TMEM232: variants seen among roughly 807,000 people sequenced by gnomAD.
The protein encoded by TMEM232 is transmembrane protein 232.
TMEM232 carries 80 observed loss-of-function variants against 78.8 expected under a neutral mutation model. The observed-to-expected ratio is 1.01, with a 90% CI of 0.85 to 1.22. TMEM232 has a LOEUF of 1.22. Among genes scored for constraint, TMEM232 ranks in the 50% most tolerant of loss-of-function variants. The probability of loss-of-function intolerance (pLI) is 0.00; values close to 1 mark genes in which losing one functional copy is unlikely to be tolerated. For synonymous variants in TMEM232, 297 were observed against 254.3 expected, an observed-to-expected ratio of 1.17 and a Z score of -1.60; for missense variants, 881 against 742.2, an observed-to-expected ratio of 1.19 and a Z score of -2.17.
intron 10 of TMEM232, among the ~76,000 whole-genome samples, chr5:110,604,210 T>C (rs1781273481): frequency 1.3e-5 from 2 of 152,188 alleles, no homozygotes; most frequent in African/African-American, 4.8e-5. Flanking sequence ...ATTGCAATTA[T>C]TTTTCACAAT....
chr5:110,708,028 A>G (rs900948047), intron 1 of TMEM232, among the ~76,000 whole-genome samples: 7 of 152,186 alleles, frequency 4.6e-5, no homozygotes, highest in African/African-American at 1.7e-4. Flanking sequence ...GTATTACGCC[A>G]TGAGCCTTGG....
chr5:110,473,710 C>T (rs1160526597), intron 12 of TMEM232, among the ~76,000 whole-genome samples: 1 of 150,122 alleles, frequency 6.7e-6, no homozygotes, highest in East Asian at 1.9e-4. Flanking sequence ...GCACTATTCA[C>T]CATAGCTGAG....
chr5:110,567,983 C>T (rs915497358), intron 11 of TMEM232, among the ~76,000 whole-genome samples: 1 of 152,134 alleles, frequency 6.6e-6, no homozygotes, highest in African/African-American at 2.4e-5. Context: ...CTATGCAGCT[C>T]CTTCACAGCT....
intron 2 of TMEM232, among the ~76,000 whole-genome samples, chr5:110,402,522 C>T (rs915050508): frequency 1.3e-5 from 2 of 151,898 alleles, no homozygotes; most frequent in Non-Finnish European, 1.5e-5. Context: ...ACAAACAGAC[C>T]CTGGGTAATT....
chr5:110,597,902 A>G, intron 10 of TMEM232, among the ~76,000 whole-genome samples: 1 of 152,226 alleles, frequency 6.6e-6, no homozygotes, highest in Non-Finnish European at 1.5e-5. Flanking sequence ...ACCTAAAACC[A>G]TAAAAACCCT....
At chr5:110,418,010 T>A (rs1756320089), downstream of TMEM232, 1 of 152,182 alleles carries the variant, frequency 6.6e-6, no homozygotes, top group Non-Finnish European at 1.5e-5. Context: ...AATGTCTCCC[T>A]GTCAAGGATC....
chr5:110,640,822 C>A lies in TMEM232; in HGVS notation c.343+69G>T, dbSNP rs865898452. 2.6e-5 allele frequency: 29 copies of A among 1,117,618 alleles called. 2 individuals are homozygous for A. In the Middle Eastern group the frequency reaches 6.1e-3, roughly 237 times the overall value. 69.2% of individuals were successfully genotyped at this position (1,117,618 alleles called of 1,614,324 possible). On this transcript the variant is annotated intron_variant, in intron 4 of 13. Coordinates refer to ENST00000455884, the MANE Select transcript of TMEM232 (RefSeq NM_001039763.4). ...TGCACAATTTTTAAAAATTAAAGTT[C>A]TCAAATTATGCCTTCACTGATGATA... is the stretch of plus-strand genomic sequence containing the variant.
In TMEM232 at chr5:110,528,836, C is replaced by A; in HGVS notation, c.1456-1G>T. 2.1e-6 allele frequency: 3 copies of A among 1,420,820 alleles called. No homozygotes were observed. The highest frequency in any genetic ancestry group is 2.9e-5 in the African/African-American group (2 of 69,518). The allele number at this position is 1,420,820 out of a possible 1,614,324, so 88.0% of individuals were successfully genotyped here. ...GATCAGTTGGGTCATTTAACTCAGC[C>A]TGTTGAAAGAAAAGAGAAAGGAATC... On this transcript the variant is annotated splice_acceptor_variant, in intron 11 of 13. Transcript: ENST00000455884. LOFTEE classifies it high-confidence loss of function.
chr5:110,556,341 C>CTCCCT (rs528923293), intron 11 of TMEM232, among the ~76,000 whole-genome samples: 37 of 144,708 alleles, frequency 2.6e-4, no homozygotes, highest in Non-Finnish European at 2.7e-4. Flanking sequence ...CCTTTCCTTC[C>CTCCCT]TCCCTTCCCT....
At chr5:110,636,804 C>T (rs536626838) in intron 5 of TMEM232, among the ~76,000 whole-genome samples, 1 of 152,086 alleles carries the variant, frequency 6.6e-6, no homozygotes, top group African/African-American at 2.4e-5. Context: ...AAGCACTTAT[C>T]ATTGTGTAAG....
intron 1 of TMEM232, among the ~76,000 whole-genome samples, chr5:110,707,612 A>G (rs1796058754): frequency 6.6e-6 from 1 of 152,216 alleles, no homozygotes; most frequent in African/African-American, 2.4e-5. Context: ...CCAGGCAACA[A>G]CTAGTGTTGG....
At chr5:110,443,745 A>C (rs1313473996) in intron 12 of TMEM232, among the ~76,000 whole-genome samples, 1 of 152,140 alleles carries the variant, frequency 6.6e-6, no homozygotes, top group African/African-American at 2.4e-5. Flanking sequence ...ACGGCGTACT[A>C]CCTGGATATC....
chr5:110,484,161 G>T (rs1315855628), intron 12 of TMEM232, among the ~76,000 whole-genome samples: 1 of 152,022 alleles, frequency 6.6e-6, no homozygotes, highest in African/African-American at 2.4e-5. Flanking sequence ...GAGATTACTG[G>T]GGGGAAGGGG....
chr5:110,393,902 G>A (rs185446559), intron 3 of TMEM232, among the ~76,000 whole-genome samples: 70 of 150,134 alleles, frequency 4.7e-4, no homozygotes, highest in Admixed American at 1.1e-3. Context: ...AGGTTGCAGC[G>A]GGCCACAATC....
At chr5:110,683,552 A>C (rs1437420607) in intron 1 of TMEM232, among the ~76,000 whole-genome samples, 1 of 151,942 alleles carries the variant, frequency 6.6e-6, no homozygotes, top group East Asian at 1.9e-4. Context: ...TTGTTAATAA[A>C]ATCATTTTAA....
At chr5:110,715,708 A>G (rs995455169) in intron 1 of TMEM232, among the ~76,000 whole-genome samples, 1 of 152,046 alleles carries the variant, frequency 6.6e-6, no homozygotes, top group Non-Finnish European at 1.5e-5. Flanking sequence ...AACCTAAAAG[A>G]CTGGTTCAGG....
chr5:110,489,480 T>C (rs1466138936), intron 12 of TMEM232, among the ~76,000 whole-genome samples: 3 of 152,018 alleles, frequency 2.0e-5, no homozygotes, highest in East Asian at 1.9e-4. Flanking sequence ...AGAACACTTA[T>C]CAAAATAGGA....
chr5:110,647,889 T>C (rs570711497), intron 2 of TMEM232, among the ~76,000 whole-genome samples: 1 of 152,130 alleles, frequency 6.6e-6, no homozygotes, highest in African/African-American at 2.4e-5. Context: ...TAGTTAAATA[T>C]TTTGGTTACC....
At chr5:110,671,511 A>G (rs1791345859) in intron 1 of TMEM232, among the ~76,000 whole-genome samples, 1 of 152,240 alleles carries the variant, frequency 6.6e-6, no homozygotes, top group African/African-American at 2.4e-5. Flanking sequence ...ATGCCCATCA[A>G]TGATAGATTG....
Sources: gnomAD v4.1 joint callset for allele counts (sites outside exome capture counted in the v4.1 genomes callset) on GRCh38, gnomAD v4.1.1 for gene constraint, MANE v1.5 for transcripts, NCBI Gene and HGNC (gene_info 2026-07-23, HGNC 2026-07-21) for gene names.